PCNP: variants seen among roughly 807,000 people sequenced by gnomAD.
The protein encoded by PCNP is PEST proteolytic signal-containing nuclear protein.
In PCNP, 6 loss-of-function variants were observed where a neutral mutation model predicts 21.8. The ratio of observed to expected loss-of-function variants is 0.28; its 90% confidence interval spans 0.15 to 0.54. The LOEUF is 0.54. Ranked by LOEUF, PCNP falls within the 20% of genes least tolerant of loss-of-function variation. The pLI, the probability that PCNP is intolerant of heterozygous loss-of-function variation, is 0.95. For missense variants in PCNP, 161 were observed against 215.5 expected, an observed-to-expected ratio of 0.75 and a Z score of 1.58; for synonymous variants, 67 against 73.2, an observed-to-expected ratio of 0.92 and a Z score of 0.43.
chr3:101,574,225 G>C lies in PCNP; in HGVS notation c.10G>C (p.Gly4Arg). 6.5e-7 allele frequency: 1 copy of C among 1,549,504 alleles called. No homozygotes were observed. The highest frequency in any genetic ancestry group is 8.7e-7 in the Non-Finnish European group (1 of 1,145,840). Residue 4 changes from glycine to arginine, a missense_variant, in exon 1 of 5, where the codon GGG (glycine) becomes CGG (arginine). Around this residue, in one of 4 missense-constraint regions of PCNP, gnomAD observed 43 missense variants for 26.6 expected, o/e 1.62. Transcript: ENST00000265260. MAD[G>R]KAGDEKPEKS... ...GGCCGCGGCGGGGAAAATGGCGGACGGGAAGGCGGGAGACGAGAAGCCTGA... is the reference window on the plus strand; with the variant it reads ...GGCCGCGGCGGGGAAAATGGCGGACCGGAAGGCGGGAGACGAGAAGCCTGA...
At position 101,593,470 on chromosome 3, in the gene PCNP, G is replaced by GT. The variant is rs913430387; in HGVS notation, c.*723dup. On this transcript the variant is annotated 3_prime_UTR_variant, in exon 5 of 5. Coordinates refer to ENST00000265260, the MANE Select transcript of PCNP (RefSeq NM_020357.3). Reference sequence around the variant, plus strand: ...TCAGTATTTTGAATGTGCTTCTCTTGTTTTTTGTTTATTAGCTAGTTCCTG... The same window carrying GT: ...TCAGTATTTTGAATGTGCTTCTCTTGTTTTTTTGTTTATTAGCTAGTTCCTG... The GT allele has an allele frequency of 2.4e-4, 37 of 152,512 alleles. No individual in the cohort carries two copies. Among genetic ancestry groups the GT allele is most frequent in the African/African-American group, 8.9e-4 (37 of 41,420 alleles). 9.4% of individuals were successfully genotyped at this position (152,512 alleles called of 1,614,324 possible). A position where few individuals can be genotyped will look rare whatever the true frequency, so the allele number is the denominator to read the frequency against.
intron 2 of PCNP, among the ~76,000 whole-genome samples, chr3:101,582,440 A>ACT (rs1312513964): frequency 6.6e-6 from 1 of 152,118 alleles, no homozygotes; most frequent in African/African-American, 2.4e-5. Context: ...ACAGAGTGAG[A>ACT]CTCCGTCTCA....
chr3:101,575,074 T>A (rs1215662053), intron 1 of PCNP: 1 of 152,252 alleles, frequency 6.6e-6, no homozygotes, highest in Non-Finnish European at 1.5e-5. Flanking sequence ...GCTATCCTTA[T>A]TCTGTCCATT....
At chr3:101,585,659 C>G in intron 3 of PCNP, 148 bp downstream of exon 3, 1 of 555,744 alleles carries the variant, frequency 1.8e-6, no homozygotes. Context: ...ACTGGATACT[C>G]TATTTTTGCA....
intron 1 of PCNP, among the ~76,000 whole-genome samples, chr3:101,579,362 C>T (rs1391764574): frequency 1.3e-5 from 2 of 152,138 alleles, no homozygotes; most frequent in Non-Finnish European, 2.9e-5. Context: ...ATGATTATTA[C>T]ATTACTGAAG....
At chr3:101,590,305 AC>A in intron 4 of PCNP, 35 bp downstream of exon 4, 1 of 1,095,842 alleles carries the variant, frequency 9.1e-7, no homozygotes, top group Non-Finnish European at 1.4e-6. Flanking sequence ...ATAGAAAGAT[AC>A]AAAGGTGAAT....
intron 3 of PCNP, 51 bp downstream of exon 3, chr3:101,585,562 A>G: frequency 8.5e-7 from 1 of 1,174,670 alleles, no homozygotes; most frequent in Non-Finnish European, 1.3e-6. Flanking sequence ...TATTTAAGGA[A>G]GGTATTAGTG....
chr3:101,588,937 A>C (rs577479011), intron 3 of PCNP, among the ~76,000 whole-genome samples: 1 of 152,364 alleles, frequency 6.6e-6, no homozygotes, highest in East Asian at 1.9e-4. Context: ...CTGTCAAATT[A>C]CTATTCTACC....
intron 2 of PCNP, among the ~76,000 whole-genome samples, chr3:101,585,099 C>T (rs1456692601): frequency 6.6e-6 from 1 of 152,196 alleles, no homozygotes; most frequent in Non-Finnish European, 1.5e-5. Context: ...GCTTTCAAGG[C>T]ACATTGTATT....
intron 3 of PCNP, among the ~76,000 whole-genome samples, chr3:101,587,477 A>G (rs138871577): frequency 4.3e-4 from 66 of 152,058 alleles, no homozygotes; most frequent in African/African-American, 1.5e-3. Flanking sequence ...AGTGCTTTCT[A>G]TATGTTAGCC....
At chr3:101,590,039 C>T (rs891789951) in intron 3 of PCNP, 176 bp from the exon 4 acceptor site, 7 of 582,680 alleles carry the variant, frequency 1.2e-5, no homozygotes, top group South Asian at 8.2e-5. Context: ...CCGTAGAAGA[C>T]AGGCATTTAT....
At chr3:101,576,787 T>G in intron 1 of PCNP, 1 of 1,611,510 alleles carries the variant, frequency 6.2e-7, no homozygotes, top group Non-Finnish European at 8.5e-7. Context: ...TCCCGCCCTC[T>G]TGGTGAGGTC....
chr3:101,582,426 C>T (rs1359190397), intron 2 of PCNP, among the ~76,000 whole-genome samples: 1 of 151,996 alleles, frequency 6.6e-6, no homozygotes, highest in East Asian at 1.9e-4. Flanking sequence ...ACTCCAGCCT[C>T]GCAACAGAGT....
At chr3:101,591,436 G>A (rs1935799547) in intron 4 of PCNP, among the ~76,000 whole-genome samples, 1 of 152,178 alleles carries the variant, frequency 6.6e-6, no homozygotes, top group African/African-American at 2.4e-5. Flanking sequence ...ACAAGCGTAA[G>A]TCTCCAAACT....
chr3:101,585,581 T>G, intron 3 of PCNP, 70 bp downstream of exon 3: 1 of 848,370 alleles, frequency 1.2e-6, no homozygotes, highest in South Asian at 1.5e-5. Context: ...TGGCAAATTA[T>G]AGGTTATAAT....
intron 2 of PCNP, among the ~76,000 whole-genome samples, 181 bp from the exon 3 acceptor site, chr3:101,585,256 C>T (rs971997689): frequency 6.6e-6 from 1 of 152,154 alleles, no homozygotes; most frequent in Non-Finnish European, 1.5e-5. Context: ...GTAAAACATA[C>T]CCACTGATAA....
Position 101,590,222 on chromosome 3 carries a change from C to A in PCNP, c.362C>A (p.Pro121Gln). 6.4e-7 allele frequency: 1 copy of A among 1,561,464 alleles called. No individual in the cohort carries two copies. The highest frequency in any genetic ancestry group is 8.8e-7 in the Non-Finnish European group (1 of 1,133,396). Residue 121 changes from proline (P) to glutamine (Q), a missense_variant, in exon 4 of 5, where the codon CCA becomes CAA. Around this residue, in one of 4 missense-constraint regions of PCNP, gnomAD observed 66 missense variants for 127.8 expected, o/e 0.52. Coordinates refer to ENST00000265260, the MANE Select transcript of PCNP (RefSeq NM_020357.3). ...ACTTACTTTTTTCTTTAGAGTGAAC[C>A]AGAGGAAATGCCTCCAGAAGCAAAG... ...AAFNEDEDSEPEEMPPEAKMR... is the reference protein window; with the variant it reads ...AAFNEDEDSEQEEMPPEAKMR...
chr3:101,574,374 C>T (rs994264170), intron 1 of PCNP, 95 bp downstream of exon 1: 8 of 1,397,046 alleles, frequency 5.7e-6, no homozygotes, highest in Non-Finnish European at 6.7e-6. Context: ...CGAGAATGGG[C>T]GGATCTGGAC....
At chr3:101,590,396 G>T (rs1243187656) in intron 4 of PCNP, 126 bp downstream of exon 4, 17 of 624,642 alleles carry the variant, frequency 2.7e-5, no homozygotes, top group Non-Finnish European at 3.7e-5. Context: ...TTAAAAGCAT[G>T]TTCTGTGTAC....
Sources: gnomAD v4.1 joint callset for allele counts (sites outside exome capture counted in the v4.1 genomes callset) on GRCh38, gnomAD v4.1.1 for gene constraint, gnomAD v4.1.1 regional missense constraint, MANE v1.5 for transcripts, NCBI Gene and HGNC (gene_info 2026-07-23, HGNC 2026-07-21) for gene names.